ANXA4: variants seen among roughly 807,000 people sequenced by gnomAD.
ANXA4 encodes annexin A4, also known as 35-beta calcimedin.
A neutral mutation model predicts 49.8 loss-of-function variants in ANXA4; 39 were observed. The observed-to-expected ratio is 0.78, with a 90% CI of 0.61 to 1.02. The LOEUF is 1.02. ANXA4 is among the 50% of genes least tolerant of loss of function. The pLI, the probability that ANXA4 is intolerant of heterozygous loss-of-function variation, is 0.00. For synonymous variants in ANXA4, 134 were observed against 152.5 expected (o/e 0.88, Z 0.89); for missense variants, 360 against 410.1 (o/e 0.88, Z 1.05).
At chr2:69,794,082 A>G (rs1353867226) in intron 3 of ANXA4, among the ~76,000 whole-genome samples, 1 of 152,204 alleles carries the variant, frequency 6.6e-6, no homozygotes, top group African/African-American at 2.4e-5. Flanking sequence ...CCTGTTCACA[A>G]TCATGTTTAG....
chr2:69,671,218 G>T (rs1677172389), intron 2 of ANXA4, among the ~76,000 whole-genome samples: 1 of 151,972 alleles, frequency 6.6e-6, no homozygotes, highest in Non-Finnish European at 1.5e-5. Flanking sequence ...TGATAAATTT[G>T]AGACTACATT....
At chr2:69,652,739 A>G (rs1020912514) in intron 1 of ANXA4, among the ~76,000 whole-genome samples, 4 of 152,164 alleles carry the variant, frequency 2.6e-5, no homozygotes, top group Admixed American at 6.5e-5. Context: ...GGTGCCTGTA[A>G]TCCCAGCTAC....
chr2:69,773,920 G>A (rs949051425), intron 1 of ANXA4, among the ~76,000 whole-genome samples: 1 of 151,310 alleles, frequency 6.6e-6, no homozygotes, highest in African/African-American at 2.4e-5. Context: ...ATGAGTCACC[G>A]CGCCCGTCCT....
intron 3 of ANXA4, among the ~76,000 whole-genome samples, chr2:69,724,212 T>C (rs1573150170): frequency 6.6e-6 from 1 of 152,220 alleles, no homozygotes; most frequent in Admixed American, 6.5e-5. Flanking sequence ...AGGGTGGGTG[T>C]ACCCATCTTG....
intron 2 of ANXA4, among the ~76,000 whole-genome samples, chr2:69,669,229 G>A (rs1356014270): frequency 2.6e-5 from 4 of 151,264 alleles, no homozygotes; most frequent in Admixed American, 6.6e-5. Context: ...ACAGGCCTAA[G>A]CCACTGCGCC....
intron 2 of ANXA4, among the ~76,000 whole-genome samples, chr2:69,711,065 C>T (rs1573131755): frequency 6.6e-6 from 1 of 152,186 alleles, no homozygotes; most frequent in Non-Finnish European, 1.5e-5. Context: ...CGTGGTTGCT[C>T]ACACCTGTAA....
intron 1 of ANXA4, among the ~76,000 whole-genome samples, chr2:69,776,892 A>G (rs10182437): frequency 0.33 from 50,542 of 152,050 alleles, 9,595 homozygotes; most frequent in Admixed American, 0.48. Flanking sequence ...ACAGTCCTCC[A>G]CCACTTCAGA....
At chr2:69,771,094 CAAAA>C (rs1169928879) in intron 1 of ANXA4, among the ~76,000 whole-genome samples, 1 of 42,412 alleles carries the variant, frequency 2.4e-5, no homozygotes, top group Non-Finnish European at 5.2e-5. Context: ...ACCCTGTCTC[CAAAA>C]AAAAAAAAAA....
upstream of ANXA4, chr2:69,644,345 T>C (rs1000074272): frequency 4.6e-5 from 7 of 152,138 alleles, no homozygotes; most frequent in Admixed American, 3.3e-4. Context: ...CGACGTCTCC[T>C]GGGCTGAAAT....
At chr2:69,767,130 C>T (rs1222737665) in intron 1 of ANXA4, among the ~76,000 whole-genome samples, 4 of 152,178 alleles carry the variant, frequency 2.6e-5, no homozygotes, top group African/African-American at 9.7e-5. Flanking sequence ...CCATCCAGGG[C>T]TGGAAAAAAC....
intron 8 of ANXA4, among the ~76,000 whole-genome samples, chr2:69,814,563 G>T (rs1673874261): frequency 6.6e-6 from 1 of 151,590 alleles, no homozygotes; most frequent in Non-Finnish European, 1.5e-5. Flanking sequence ...TGCCCAGGCT[G>T]GTCTCAAACT....
chr2:69,644,983 C>T (rs116797787), intron 1 of ANXA4: 1 of 151,894 alleles, frequency 6.6e-6, no homozygotes, highest in Non-Finnish European at 1.5e-5. Context: ...CAAAAACAAA[C>T]AAAAAAACCT....
At chr2:69,683,196 T>C (rs1677658674) in intron 2 of ANXA4, among the ~76,000 whole-genome samples, 1 of 152,120 alleles carries the variant, frequency 6.6e-6, no homozygotes, top group Non-Finnish European at 1.5e-5. Context: ...TCTAACAAAC[T>C]CAGGCCTGCT....
intron 3 of ANXA4, among the ~76,000 whole-genome samples, chr2:69,724,800 T>C (rs539527360): frequency 1.9e-4 from 23 of 120,430 alleles, no homozygotes; most frequent in Non-Finnish European, 3.5e-4. Flanking sequence ...CACGCTGCTC[T>C]CGCCCTGTGG....
At chr2:69,725,859 T>C (rs1669950492) in intron 3 of ANXA4, among the ~76,000 whole-genome samples, 1 of 152,242 alleles carries the variant, frequency 6.6e-6, no homozygotes, top group African/African-American at 2.4e-5. Flanking sequence ...ATTTTATTAG[T>C]TTTTCTTTCA....
intron 3 of ANXA4, among the ~76,000 whole-genome samples, chr2:69,796,374 C>T (rs962022725): frequency 2.0e-5 from 3 of 152,202 alleles, no homozygotes; most frequent in Non-Finnish European, 4.4e-5. Flanking sequence ...TGGTAAAAGA[C>T]CAAGGTGGCC....
intron 1 of ANXA4, among the ~76,000 whole-genome samples, chr2:69,648,879 C>CTTTTTTTTTTT (rs201603508): frequency 1.8e-5 from 2 of 113,486 alleles, no homozygotes; most frequent in Non-Finnish European, 1.7e-5. Context: ...AATTTTCTTT[C>CTTTTTTTTTTT]TTTCTTTTCT....
At chr2:69,735,430 A>G (rs1173345311) in intron 3 of ANXA4, among the ~76,000 whole-genome samples, 4 of 152,158 alleles carry the variant, frequency 2.6e-5, no homozygotes, top group African/African-American at 4.8e-5. Flanking sequence ...CTAAAAATCT[A>G]TCGACTTAGG....
intron 8 of ANXA4, 88 bp from the exon 9 acceptor site, chr2:69,816,013 G>A (rs13392215): frequency 0.047 from 48,866 of 1,040,144 alleles, 8,148 homozygotes; most frequent in African/African-American, 0.4. Flanking sequence ...AACTAAGCCA[G>A]CTCAGCTCTT....
Sources: gnomAD v4.1 joint callset for allele counts (sites outside exome capture counted in the v4.1 genomes callset) on GRCh38, gnomAD v4.1.1 for gene constraint, MANE v1.5 for transcripts, NCBI Gene and HGNC (gene_info 2026-07-23, HGNC 2026-07-21) for gene names.